Variants in EML4 observed in about 807,000 individuals in gnomAD.
The protein encoded by EML4 is echinoderm microtubule-associated protein-like 4.
A neutral mutation model predicts 129.0 loss-of-function variants in EML4; 72 were observed. The ratio of observed to expected loss-of-function variants is 0.56; its 90% CI spans 0.46 to 0.68. The LOEUF is 0.68. Ranked by LOEUF, EML4 falls within the 30% of genes least tolerant of loss-of-function variation. The probability of loss-of-function intolerance (pLI) is 0.00; values close to 1 mark genes in which losing one functional copy is unlikely to be tolerated. For missense variants in EML4, 1,363 were observed against 1,190.6 expected, an observed-to-expected ratio of 1.14 and a Z score of -2.13; for synonymous variants, 532 against 405.0, an observed-to-expected ratio of 1.31 and a Z score of -3.77.
intron 1 of EML4, among the ~76,000 whole-genome samples, chr2:42,196,105 CTTGT>C (rs1237129516): frequency 6.6e-6 from 1 of 152,074 alleles, no homozygotes; most frequent in South Asian, 2.1e-4. Context: ...GAGATTGAAC[CTTGT>C]TTGTAAAATT....
At chr2:42,263,028 A>T (rs1665831728) in intron 4 of EML4, 150 bp from the exon 5 acceptor site, 3 of 613,996 alleles carry the variant, frequency 4.9e-6, no homozygotes, top group East Asian at 6.2e-5. Flanking sequence ...TAACTCCTTC[A>T]CTCATCCAGG....
At chr2:42,185,855 G>C (rs1387007299) in intron 1 of EML4, among the ~76,000 whole-genome samples, 3 of 152,140 alleles carry the variant, frequency 2.0e-5, no homozygotes, top group Non-Finnish European at 1.5e-5. Flanking sequence ...ATCTAGGAGA[G>C]ACATGAAGGG....
At chr2:42,198,359 C>G (rs1236025809) in intron 1 of EML4, among the ~76,000 whole-genome samples, 1 of 152,118 alleles carries the variant, frequency 6.6e-6, no homozygotes, top group Non-Finnish European at 1.5e-5. Context: ...GGGAGACACT[C>G]TAAAGCACTG....
chr2:42,175,762 G>C (rs556471146), intron 1 of EML4, among the ~76,000 whole-genome samples: 2 of 152,260 alleles, frequency 1.3e-5, no homozygotes, highest in East Asian at 3.9e-4. Flanking sequence ...GCCTCCCAAA[G>C]TGCTGGGATT....
chr2:42,214,190 G>C (rs899564415), intron 1 of EML4, among the ~76,000 whole-genome samples: 1 of 152,152 alleles, frequency 6.6e-6, no homozygotes, highest in Non-Finnish European at 1.5e-5. Flanking sequence ...TCACTGACAA[G>C]ATGTCAGATA....
intron 19 of EML4, among the ~76,000 whole-genome samples, chr2:42,319,027 A>T (rs551716515): frequency 8.4e-4 from 127 of 151,406 alleles, no homozygotes; most frequent in Middle Eastern, 3.4e-3. Context: ...AACCTTTTTT[A>T]AAAAAAAAGT....
chr2:42,297,184 T>C (rs1175464687), intron 13 of EML4, among the ~76,000 whole-genome samples: 4 of 152,176 alleles, frequency 2.6e-5, no homozygotes, highest in Non-Finnish European at 5.9e-5. Flanking sequence ...AACAACAATA[T>C]ATTATCAACT....
At chr2:42,268,739 A>C (rs990101528) in intron 6 of EML4, among the ~76,000 whole-genome samples, 5 of 152,202 alleles carry the variant, frequency 3.3e-5, no homozygotes, top group African/African-American at 1.2e-4. Flanking sequence ...CACCTGGCCT[A>C]CATTTTTTAG....
In EML4 at chr2:42,245,525, A is replaced by C; in HGVS notation, c.46A>C (p.Ser16Arg). The change falls in exon 2 of 23, where the codon AGT becomes CGT. Residue 16 changes from serine to arginine, a missense_variant. Transcript: ENST00000318522. The stretch of plus-strand genomic sequence containing the variant: ...TATAGATGATAGTATTTCTGCTGCA[A>C]GTACTTCTGATGTTCAAGATCGCCT... ...GSLDDSISAASTSDVQDRLSA... is the reference protein window; with the variant it reads ...GSLDDSISAARTSDVQDRLSA... 6.2e-7 allele frequency: 1 copy of C among 1,613,088 alleles called. No homozygotes were observed. Among genetic ancestry groups the C allele is most frequent in the Non-Finnish European group, 8.5e-7 (1 of 1,179,358 alleles).
In EML4 at chr2:42,261,276, A is replaced by G; in HGVS notation, c.494A>G (p.Asn165Ser). The G allele has an allele frequency of 6.2e-7, 1 of 1,613,328 alleles. No homozygotes were observed. Among genetic ancestry groups the G allele is most frequent in the South Asian group, 1.1e-5 (1 of 90,968 alleles). The change falls in exon 4 of 23, where the codon AAT becomes AGT. Residue 165 changes from asparagine (N) to serine (S), a missense_variant. Transcript: ENST00000318522. ...CACAGACAAACTCCAGAAAGCAAGAATGCTACTCCCACCAAAAGGTTTTAA... is the reference window on the plus strand; with the variant it reads ...CACAGACAAACTCCAGAAAGCAAGAGTGCTACTCCCACCAAAAGGTTTTAA... The part of the protein sequence containing the change: ...QIHRQTPESK[N>S]ATPTKSIKRP...
rs772354077 is a variant in EML4, at chr2:42,245,484, ATATTT to A, written c.26-7_26-3del. The A allele has an allele frequency of 3.9e-6, 6 of 1,538,606 alleles. No homozygotes were observed. The highest frequency in any genetic ancestry group is 2.8e-5 in the African/African-American group (2 of 72,268). ...CAAGCAGTTTACTTAAAAATATTCC[ATATTT>A]TATTTTATTTTATAGATGATAGTAT... On this transcript the variant is annotated splice_polypyrimidine_tract_variant and intron_variant, in intron 1 of 22. Transcript: ENST00000318522.
intron 1 of EML4, among the ~76,000 whole-genome samples, chr2:42,208,515 A>C (rs577988320): frequency 5.3e-5 from 8 of 150,608 alleles, no homozygotes; most frequent in African/African-American, 1.9e-4. Context: ...GCTGATTGCA[A>C]CCTCCGCCCT....
intron 7 of EML4, among the ~76,000 whole-genome samples, 175 bp from the exon 8 acceptor site, chr2:42,282,648 C>T (rs1038619960): frequency 3.9e-5 from 6 of 152,176 alleles, no homozygotes; most frequent in African/African-American, 1.4e-4. Flanking sequence ...CCACCTTGGC[C>T]TCCTGAAGGG....
intron 21 of EML4, among the ~76,000 whole-genome samples, chr2:42,327,427 T>C (rs1310981382): frequency 6.6e-6 from 1 of 152,240 alleles, no homozygotes; most frequent in Non-Finnish European, 1.5e-5. Context: ...CCAGACTGTT[T>C]TCCACAGTGA....
intron 1 of EML4, among the ~76,000 whole-genome samples, chr2:42,176,304 C>T (rs1397716884): frequency 1.3e-5 from 2 of 152,142 alleles, no homozygotes; most frequent in East Asian, 3.8e-4. Flanking sequence ...TTATTCGATG[C>T]GTGGATTATT....
chr2:42,206,531 C>G (rs141410829), intron 1 of EML4, among the ~76,000 whole-genome samples: 3 of 152,242 alleles, frequency 2.0e-5, no homozygotes, highest in East Asian at 3.9e-4. Context: ...AGTTTTTATG[C>G]CTAGTTTTAT....
At chr2:42,181,652 A>G (rs1327112746) in intron 1 of EML4, among the ~76,000 whole-genome samples, 2 of 152,072 alleles carry the variant, frequency 1.3e-5, no homozygotes, top group Non-Finnish European at 2.9e-5. Flanking sequence ...TGATGCTTAA[A>G]TTGACCCTGT....
chr2:42,251,227 A>G (rs1171907735), intron 2 of EML4, among the ~76,000 whole-genome samples: 1 of 152,236 alleles, frequency 6.6e-6, no homozygotes, highest in Admixed American at 6.5e-5. Flanking sequence ...TTGTAACACA[A>G]TGGTAAGTAT....
chr2:42,281,075 A>G (rs900731554), intron 7 of EML4, 102 bp downstream of exon 7: 1 of 922,838 alleles, frequency 1.1e-6, no homozygotes, highest in Non-Finnish European at 1.6e-6. Flanking sequence ...AAAAAAAAAA[A>G]GTAACAGCTA....
Sources: gnomAD v4.1 joint callset for allele counts (sites outside exome capture counted in the v4.1 genomes callset) on GRCh38, gnomAD v4.1.1 for gene constraint, MANE v1.5 for transcripts, NCBI Gene and HGNC (gene_info 2026-07-23, HGNC 2026-07-21) for gene names.